Variants in ST8SIA5 observed in about 807,000 individuals in gnomAD.
ST8SIA5 encodes ST8 alpha-N-acetyl-neuraminide alpha-2,8-sialyltransferase 5.
A neutral mutation model predicts 40.2 loss-of-function variants in ST8SIA5; 24 were observed. The observed-to-expected ratio is 0.60, with a 90% CI of 0.43 to 0.84. The LOEUF is 0.84. Ranked by LOEUF, ST8SIA5 falls within the 40% of genes least tolerant of loss-of-function variation. ST8SIA5 has a pLI of 0.00. For synonymous variants in ST8SIA5, 198 were observed against 201.8 expected, an observed-to-expected ratio of 0.98 and a Z score of 0.16; for missense variants, 465 against 498.5, an observed-to-expected ratio of 0.93 and a Z score of 0.64.
At chr18:46,689,536 G>A (rs2039482520) in intron 3 of ST8SIA5, among the ~76,000 whole-genome samples, 1 of 150,192 alleles carries the variant, frequency 6.7e-6, no homozygotes, top group South Asian at 2.1e-4. Context: ...TCTGTAATTT[G>A]TGATTCCAGC....
intron 1 of ST8SIA5, among the ~76,000 whole-genome samples, chr18:46,727,147 A>G (rs1385133633): frequency 6.6e-6 from 1 of 152,262 alleles, no homozygotes; most frequent in African/African-American, 2.4e-5. Context: ...AGATATTTAG[A>G]GGCCTCAAGC....
At chr18:46,743,782 A>G in intron 1 of ST8SIA5, among the ~76,000 whole-genome samples, 1 of 152,192 alleles carries the variant, frequency 6.6e-6, no homozygotes, top group East Asian at 1.9e-4. Context: ...CCAAAGTTGA[A>G]ATGAAGGAAA....
chr18:46,687,055 T>C (rs1421890715), intron 4 of ST8SIA5, among the ~76,000 whole-genome samples: 3 of 152,350 alleles, frequency 2.0e-5, no homozygotes, highest in South Asian at 2.1e-4. Context: ...TGTGATTCTA[T>C]GTCACATTGC....
chr18:46,710,449 TTCTC>T (rs1282521236), intron 1 of ST8SIA5, among the ~76,000 whole-genome samples: 4 of 143,800 alleles, frequency 2.8e-5, no homozygotes, highest in African/African-American at 1.0e-4. Flanking sequence ...TTCTTTTTCT[TTCTC>T]TCTTTCCTTC....
intron 1 of ST8SIA5, among the ~76,000 whole-genome samples, chr18:46,714,684 G>A (rs960678107): frequency 2.0e-5 from 3 of 152,166 alleles, no homozygotes; most frequent in Non-Finnish European, 2.9e-5. Flanking sequence ...ACTGAGCAGG[G>A]GGGGAAGAGA....
Position 46,724,389 on chromosome 18 carries a change from G to A in ST8SIA5, c.132-19725C>T, listed in dbSNP as rs949080099. Among the ~76,000 whole-genome samples the A allele has an allele frequency of 3.3e-5, 5 of 152,254 alleles. No homozygotes were observed. In the East Asian group the frequency reaches 5.8e-4, roughly 18 times the overall value. On this transcript the variant is annotated intron_variant, in intron 1 of 6. Coordinates refer to ENST00000315087, the MANE Select transcript of ST8SIA5 (RefSeq NM_013305.6). ...GCTCCACAGCAGTGGGGAGCTCAGA[G>A]GAAAAGGTACAACTCACAGGGCAGA...
intron 2 of ST8SIA5, among the ~76,000 whole-genome samples, 183 bp from the exon 3 acceptor site, chr18:46,692,438 C>T (rs548693066): frequency 6.6e-6 from 1 of 151,942 alleles, no homozygotes; most frequent in Non-Finnish European, 1.5e-5. Flanking sequence ...GGGCCTCACA[C>T]CGATGTACAG....
rs1401692493 is a variant in ST8SIA5 at position 46,672,021 on chromosome 18, A to G, written c.*8021T>C. 2 of 152,250 alleles carry G rather than the reference A, an allele frequency of 1.3e-5. No homozygotes were observed. Among genetic ancestry groups the G allele is most frequent in the East Asian group, 1.9e-4 (1 of 5,192 alleles). The allele number at this position is 152,250 out of a possible 1,614,324, so 9.4% of individuals were successfully genotyped here. On this transcript the variant is annotated 3_prime_UTR_variant, in exon 7 of 7. Transcript: ENST00000315087. Reference sequence around the variant, plus strand: ...TCTGGGGCGGGGCCCATAATCAAGGAGCTCTCCAAGAGATTCTGAGGCAGC... The same window carrying G: ...TCTGGGGCGGGGCCCATAATCAAGGGGCTCTCCAAGAGATTCTGAGGCAGC...
rs1434784703 is a variant in ST8SIA5, at chr18:46,688,875, G to A, written c.356C>T (p.Thr119Ile). ...RCCNAPAFLF[T>I]TQKNTPLGTK... ...CCCCAGGGGAGTGTTCTTCTGGGTG[G>A]TGAAGAGAAAGGCAGGGGCGTTGCA... Residue 119 changes from threonine (T) to isoleucine (I), a missense_variant, in exon 4 of 7, where the codon ACC becomes ATC. Transcript: ENST00000315087. The A allele has an allele frequency of 6.2e-7, 1 of 1,614,164 alleles. No homozygotes were observed. Among genetic ancestry groups the A allele is most frequent in the Admixed American group, 1.7e-5 (1 of 60,020 alleles).
chr18:46,695,095 G>A (rs891380735), intron 2 of ST8SIA5, among the ~76,000 whole-genome samples: 9 of 150,608 alleles, frequency 6.0e-5, no homozygotes, highest in Admixed American at 5.3e-4. Flanking sequence ...GGAGGTGGAG[G>A]TTGCAATGAG....
chr18:46,744,243 T>C (rs1387666892), intron 1 of ST8SIA5, among the ~76,000 whole-genome samples: 2 of 152,164 alleles, frequency 1.3e-5, no homozygotes, highest in African/African-American at 4.8e-5. Flanking sequence ...ATGGACTAAA[T>C]GCTCCAATTA....
Position 46,679,777 on chromosome 18 carries a change from C to CCA in ST8SIA5, c.*263_*264dup. 1 of 509,132 alleles carries CCA rather than the reference C, an allele frequency of 2.0e-6. No homozygotes were observed. The highest frequency in any genetic ancestry group is 3.5e-6 in the Non-Finnish European group (1 of 284,396). The allele number at this position is 509,132 out of a possible 1,614,324, so 31.5% of individuals were successfully genotyped here. A position where few individuals can be genotyped will look rare whatever the true frequency, so the allele number is the denominator to read the frequency against. On this transcript the variant is annotated 3_prime_UTR_variant, in exon 7 of 7. Transcript: ENST00000315087. ...AGGGCCCCTGATCTTGGGGTGTGGC[C>CCA]CAGCAGCATGCTAGCCAGGGCAGGT...
At chr18:46,734,572 G>A (rs1210958965) in intron 1 of ST8SIA5, among the ~76,000 whole-genome samples, 1 of 152,188 alleles carries the variant, frequency 6.6e-6, no homozygotes, top group African/African-American at 2.4e-5. Context: ...CTCTGCAGAG[G>A]AGAGGAGGGA....
chr18:46,698,841 C>T (rs16939971), intron 2 of ST8SIA5, among the ~76,000 whole-genome samples: 23,643 of 152,188 alleles, frequency 0.16, 1,980 homozygotes, highest in South Asian at 0.24. Flanking sequence ...AAGGGAATGC[C>T]TGACCGATGG....
chr18:46,674,408 G>A lies in ST8SIA5; in HGVS notation c.*5634C>T, dbSNP rs1350668304. The A allele has an allele frequency of 6.6e-6, 1 of 152,216 alleles. No homozygotes were observed. Among genetic ancestry groups the A allele is most frequent in the African/African-American group, 2.4e-5 (1 of 41,442 alleles). 9.4% of individuals were successfully genotyped at this position (152,216 alleles called of 1,614,324 possible). Reference sequence around the variant, plus strand: ...CCGAGCTCCCCTGGACAGGCAGGAGGAGTCTCTGCCTTCCTGGGATGTGCT... The same window carrying A: ...CCGAGCTCCCCTGGACAGGCAGGAGAAGTCTCTGCCTTCCTGGGATGTGCT... On this transcript the variant is annotated 3_prime_UTR_variant, in exon 7 of 7. Transcript: ENST00000315087.
chr18:46,756,536 G>GGTAC lies in ST8SIA5; in HGVS notation c.-32_-29dup. 2 of 1,609,782 alleles carry GGTAC rather than the reference G, an allele frequency of 1.2e-6. No individual in the cohort carries two copies. The highest frequency in any genetic ancestry group is 1.7e-6 in the Non-Finnish European group (2 of 1,177,682). Reference sequence around the variant, plus strand: ...TGGCTACCGGGCGCCGCGGGCGCGGGGTACGGGGCGGCCAGGCAATGACTC... The same window carrying GGTAC: ...TGGCTACCGGGCGCCGCGGGCGCGGGGTACGTACGGGGCGGCCAGGCAATGACTC... On this transcript the variant is annotated 5_prime_UTR_variant, in exon 1 of 7. Coordinates refer to ENST00000315087, the MANE Select transcript of ST8SIA5 (RefSeq NM_013305.6).
In ST8SIA5 at chr18:46,684,876, T is replaced by C. The variant is rs139717400; in HGVS notation, c.569+1298A>G. On this transcript the variant is annotated intron_variant, in intron 5 of 6. Transcript: ENST00000315087. ...GCCCAGAAAAGGGTGCAAGTGGGTT[T>C]AGCCAGGGAAGGAGTGGGTGATTCT... Among the ~76,000 whole-genome samples, 702 of 152,112 alleles carry C rather than the reference T, an allele frequency of 4.6e-3. 2 individuals carry two copies. Among genetic ancestry groups the C allele is most frequent in the African/African-American group, 0.016 (677 of 41,492 alleles).
rs994501446 is a variant in ST8SIA5 at position 46,679,698 on chromosome 18, C to G, written c.*344G>C. ...GCAACAAGGGCCTGCAGTTTGTGCT[C>G]TCTCTCGGATGACAAAATTGGGTGG... On this transcript the variant is annotated 3_prime_UTR_variant, in exon 7 of 7. Transcript: ENST00000315087. The G allele has an allele frequency of 9.3e-6, 3 of 322,222 alleles. No homozygotes were observed. The highest frequency in any genetic ancestry group is 1.7e-5 in the Non-Finnish European group (3 of 171,850). 20.0% of individuals were successfully genotyped at this position (322,222 alleles called of 1,614,324 possible).
At chr18:46,753,315 G>A (rs2040211894) in intron 1 of ST8SIA5, among the ~76,000 whole-genome samples, 1 of 152,216 alleles carries the variant, frequency 6.6e-6, no homozygotes, top group Non-Finnish European at 1.5e-5. Context: ...GCTCATGCCT[G>A]TAATCCCAGC....
Sources: gnomAD v4.1 joint callset for allele counts (sites outside exome capture counted in the v4.1 genomes callset) on GRCh38, gnomAD v4.1.1 for gene constraint, MANE v1.5 for transcripts, NCBI Gene and HGNC (gene_info 2026-07-23, HGNC 2026-07-21) for gene names.